The following PLCB1 variants were observed in gnomAD, a reference collection of about 807,000 sequenced individuals.
PLCB1 encodes 1-phosphatidylinositol 4,5-bisphosphate phosphodiesterase beta-1.
In PLCB1, 46 loss-of-function variants were observed where a neutral mutation model predicts 161.8. The ratio of observed to expected loss-of-function variants is 0.28; its 90% CI spans 0.22 to 0.36. The LOEUF (loss-of-function observed/expected upper bound fraction) is 0.36. PLCB1 is among the 10% of genes least tolerant of loss of function. The pLI, the probability that PLCB1 is intolerant of heterozygous loss-of-function variation, is 1.00. For synonymous variants in PLCB1, 517 were observed against 503.7 expected, an observed-to-expected ratio of 1.03 and a Z score of -0.35; for missense variants, 1,016 against 1,472.5, an observed-to-expected ratio of 0.69 and a Z score of 5.07.
At position 8,847,385 on chromosome 20, in the gene PLCB1, A is replaced by T. The variant is rs73605756; in HGVS notation, c.3424-34237A>T. ...GATCTGTCCTTACTCCCTTTCAAAC[A>T]CCCAGCCCTTGGTCACTCTTGAACT... is the stretch of plus-strand genomic sequence containing the variant. On this transcript the variant is annotated intron_variant, in intron 31 of 31. Coordinates refer to ENST00000338037, the MANE Select transcript of PLCB1 (RefSeq NM_015192.4). Among the ~76,000 whole-genome samples, 1,327 of 152,162 alleles carry T rather than the reference A, an allele frequency of 8.7e-3. 23 individuals carry two copies. Among genetic ancestry groups the T allele is most frequent in the African/African-American group, 0.03 (1,237 of 41,518 alleles).
intron 2 of PLCB1, among the ~76,000 whole-genome samples, chr20:8,370,531 C>T (rs1986872298): frequency 6.6e-6 from 1 of 152,170 alleles, no homozygotes; most frequent in African/African-American, 2.4e-5. Context: ...GCCACGAACA[C>T]CTCAAGGTTC....
chr20:8,820,261 ATAT>A, intron 31 of PLCB1, among the ~76,000 whole-genome samples: 1 of 149,248 alleles, frequency 6.7e-6, no homozygotes, highest in East Asian at 1.9e-4. Flanking sequence ...ACATAGTATT[ATAT>A]TATTATATAT....
In PLCB1 at chr20:8,665,843, CATG is replaced by C. The variant is rs1299040299; in HGVS notation, c.862+7144_862+7146del. Among the ~76,000 whole-genome samples, 6 of 152,154 alleles carry C rather than the reference CATG, an allele frequency of 3.9e-5. No homozygotes were observed. The South Asian group carries it at 1.2e-3, about 32-fold the overall frequency. On this transcript the variant is annotated intron_variant, in intron 9 of 31. Coordinates refer to ENST00000338037, the MANE Select transcript of PLCB1 (RefSeq NM_015192.4). ...TTAAAGAAATAGGCTGGCATAGTGT[CATG>C]ATGAAGCCAGTAAACCTCAGGCAAG...
chr20:8,267,218 T>C (rs2123254943), intron 2 of PLCB1, among the ~76,000 whole-genome samples: 1 of 42 alleles, frequency 0.024, no homozygotes, highest in Non-Finnish European at 0.038. Context: ...TGATGTTGGC[T>C]TTGTGCCAGA....
At chr20:8,584,394 A>G (rs1986922994) in intron 3 of PLCB1, among the ~76,000 whole-genome samples, 1 of 152,056 alleles carries the variant, frequency 6.6e-6, no homozygotes, top group African/African-American at 2.4e-5. Context: ...ACTGCTTAGT[A>G]AGGTATAGCT....
chr20:8,581,199 A>G (rs1380234348), intron 3 of PLCB1, among the ~76,000 whole-genome samples: 1 of 152,168 alleles, frequency 6.6e-6, no homozygotes, highest in Admixed American at 6.5e-5. Context: ...CTTTTTCACA[A>G]TCTGTACCCC....
intron 3 of PLCB1, among the ~76,000 whole-genome samples, chr20:8,427,464 A>T (rs1979835256): frequency 6.6e-6 from 1 of 152,178 alleles, no homozygotes; most frequent in South Asian, 2.1e-4. Flanking sequence ...CTTTGCTGGG[A>T]GTTGCCTGGT....
chr20:8,641,353 A>T (rs1988949929), intron 4 of PLCB1, among the ~76,000 whole-genome samples: 1 of 152,270 alleles, frequency 6.6e-6, no homozygotes, highest in Non-Finnish European at 1.5e-5. Context: ...GACATAAATC[A>T]TAAAGCATGG....
chr20:8,649,311 T>C, intron 6 of PLCB1, 63 bp from the exon 7 acceptor site: 1 of 968,050 alleles, frequency 1.0e-6, no homozygotes, highest in Admixed American at 1.8e-5. Context: ...GTTGGCATCA[T>C]CTGTTAGTGC....
At chr20:8,370,788 G>C (rs1266524067) in intron 2 of PLCB1, among the ~76,000 whole-genome samples, 1 of 152,146 alleles carries the variant, frequency 6.6e-6, no homozygotes, top group African/African-American at 2.4e-5. Flanking sequence ...CCTATTTGAT[G>C]ACAGGTCCAT....
intron 2 of PLCB1, among the ~76,000 whole-genome samples, chr20:8,155,012 T>C (rs1428316818): frequency 6.6e-6 from 1 of 152,198 alleles, no homozygotes; most frequent in Non-Finnish European, 1.5e-5. Flanking sequence ...TTTTAATCCA[T>C]ATGTAATGTA....
chr20:8,454,717 A>G (rs1055492563), intron 3 of PLCB1, among the ~76,000 whole-genome samples: 6 of 152,132 alleles, frequency 3.9e-5, no homozygotes, highest in African/African-American at 1.4e-4. Context: ...TGTCTTTCCT[A>G]AATGTCACCT....
At chr20:8,717,474 A>G (rs1242888836) in intron 13 of PLCB1, among the ~76,000 whole-genome samples, 197 bp from the exon 14 acceptor site, 1 of 152,194 alleles carries the variant, frequency 6.6e-6, no homozygotes, top group African/African-American at 2.4e-5. Context: ...TGAAAAAAAA[A>G]GTATAGTAAT....
intron 3 of PLCB1, among the ~76,000 whole-genome samples, chr20:8,394,780 C>A (rs995263497): frequency 6.6e-6 from 1 of 152,110 alleles, no homozygotes; most frequent in Admixed American, 6.6e-5. Context: ...TCCATATTCT[C>A]AATGTTTTTC....
chr20:8,337,406 C>T (rs536554736), intron 2 of PLCB1, among the ~76,000 whole-genome samples: 16 of 152,260 alleles, frequency 1.1e-4, no homozygotes, highest in Admixed American at 2.0e-4. Flanking sequence ...AAGATGTCAC[C>T]TTATATCAAA....
chr20:8,363,444 A>G (rs1407221106), intron 2 of PLCB1, among the ~76,000 whole-genome samples: 1 of 152,186 alleles, frequency 6.6e-6, no homozygotes, highest in African/African-American at 2.4e-5. Flanking sequence ...TACACAGCAC[A>G]GCCAGCAGAT....
chr20:8,643,402 A>G (rs1054020807), intron 4 of PLCB1, among the ~76,000 whole-genome samples: 1 of 151,992 alleles, frequency 6.6e-6, no homozygotes, highest in African/African-American at 2.4e-5. Context: ...TGTTTGCTCT[A>G]ACTCCTGCCA....
intron 31 of PLCB1, among the ~76,000 whole-genome samples, chr20:8,833,127 T>C (rs1600367645): frequency 6.6e-6 from 1 of 152,338 alleles, no homozygotes; most frequent in African/African-American, 2.4e-5. Flanking sequence ...CTAAATCCAA[T>C]GATGTGTGTA....
intron 14 of PLCB1, among the ~76,000 whole-genome samples, chr20:8,721,487 G>A (rs1979630231): frequency 1.3e-5 from 2 of 152,184 alleles, no homozygotes; most frequent in Admixed American, 1.3e-4. Context: ...GCTTCATACT[G>A]ATATGAATAT....
Sources: allele counts gnomAD v4.1 joint callset (sites outside exome capture counted in the v4.1 genomes callset), GRCh38; gene constraint gnomAD v4.1.1; transcripts MANE v1.5; gene names NCBI Gene and HGNC (gene_info 2026-07-23, HGNC 2026-07-21).